Variants in ANO4 observed in about 807,000 individuals in gnomAD.
The protein encoded by ANO4 is anoctamin 4, also known as anoctamin-4.
A neutral mutation model predicts 141.9 loss-of-function variants in ANO4; 69 were observed. The ratio of observed to expected loss-of-function variants is 0.49; its 90% CI spans 0.40 to 0.59. ANO4 has a LOEUF of 0.59. Ranked by LOEUF, ANO4 falls within the 20% of genes least tolerant of loss-of-function variation. ANO4 has a pLI of 0.00. For synonymous variants in ANO4, 350 were observed against 394.3 expected (o/e 0.89, Z 1.33); for missense variants, 894 against 1,162.2 (o/e 0.77, Z 3.36).
intron 14 of ANO4, among the ~76,000 whole-genome samples, chr12:101,061,325 T>C (rs1183689512): frequency 6.6e-6 from 1 of 151,988 alleles, no homozygotes; most frequent in East Asian, 1.9e-4. Context: ...TTTTTTTTTT[T>C]CATTTTAACC....
chr12:100,914,136 A>G (rs2041233368), intron 2 of ANO4, among the ~76,000 whole-genome samples: 1 of 152,206 alleles, frequency 6.6e-6, no homozygotes, highest in South Asian at 2.1e-4. Context: ...TGCAATTCTG[A>G]CTTCCAGGCC....
At chr12:100,857,904 G>A (rs1038784621) in intron 1 of ANO4, among the ~76,000 whole-genome samples, 17 of 152,086 alleles carry the variant, frequency 1.1e-4, no homozygotes, top group African/African-American at 3.9e-4. Flanking sequence ...TTTGAATATT[G>A]ATAATATTCA....
At chr12:101,037,675 T>A (rs900232178) in intron 10 of ANO4, among the ~76,000 whole-genome samples, 2 of 152,216 alleles carry the variant, frequency 1.3e-5, no homozygotes, top group African/African-American at 4.8e-5. Flanking sequence ...TAAATTACTT[T>A]CGCAAGTGTA....
At chr12:101,110,231 A>C (rs1445128127) in intron 22 of ANO4, among the ~76,000 whole-genome samples, 173 bp from the exon 23 acceptor site, 1 of 152,088 alleles carries the variant, frequency 6.6e-6, no homozygotes, top group Non-Finnish European at 1.5e-5. Context: ...TTCCAGGCCC[A>C]GGAAGTGCCT....
chr12:101,001,198 G>A (rs776114235), intron 8 of ANO4, among the ~76,000 whole-genome samples: 3 of 152,000 alleles, frequency 2.0e-5, no homozygotes, highest in Non-Finnish European at 2.9e-5. Context: ...TTTACGTACA[G>A]TAAAATAAGG....
upstream of ANO4, among the ~76,000 whole-genome samples, chr12:100,791,159 G>T (rs2034033180): frequency 6.6e-6 from 1 of 152,116 alleles, no homozygotes; most frequent in African/African-American, 2.4e-5. Context: ...CAGGCGGATT[G>T]CCTGAGCTCA....
chr12:101,096,810 G>A (rs1272786679), intron 19 of ANO4, among the ~76,000 whole-genome samples, 163 bp downstream of exon 19: 1 of 152,078 alleles, frequency 6.6e-6, no homozygotes, highest in Non-Finnish European at 1.5e-5. Flanking sequence ...AAACCACCTG[G>A]CATCCCAGGG....
chr12:100,783,813 G>T (rs1250363612), intron 3 of ANO4, among the ~76,000 whole-genome samples: 4 of 152,152 alleles, frequency 2.6e-5, no homozygotes, highest in African/African-American at 9.7e-5. Context: ...TACCCTGGGT[G>T]TTGCTGCAGA....
At chr12:100,926,355 A>G (rs1015545246) in intron 3 of ANO4, among the ~76,000 whole-genome samples, 1 of 152,088 alleles carries the variant, frequency 6.6e-6, no homozygotes, top group Non-Finnish European at 1.5e-5. Context: ...CAGATCCTCC[A>G]TATTAGATGT....
intron 14 of ANO4, among the ~76,000 whole-genome samples, chr12:101,070,566 A>G (rs2048770377): frequency 6.6e-6 from 1 of 152,062 alleles, no homozygotes; most frequent in East Asian, 1.9e-4. Context: ...GAAACTACTA[A>G]AAAAAAGCAT....
chr12:100,902,442 A>T (rs1415850774), intron 2 of ANO4, among the ~76,000 whole-genome samples: 1 of 152,248 alleles, frequency 6.6e-6, no homozygotes, highest in African/African-American at 2.4e-5. Context: ...ACAAATATGT[A>T]TTGAGTGCCA....
intron 7 of ANO4, among the ~76,000 whole-genome samples, chr12:100,983,866 C>T (rs953577674): frequency 1.3e-5 from 2 of 152,228 alleles, no homozygotes; most frequent in East Asian, 3.8e-4. Context: ...AACATATTCA[C>T]AGGTTCTGGT....
intron 5 of ANO4, among the ~76,000 whole-genome samples, chr12:100,944,637 C>T (rs945173382): frequency 3.9e-5 from 6 of 152,180 alleles, no homozygotes; most frequent in South Asian, 2.1e-4. Context: ...CTGCCTGGCT[C>T]GAGTCTTGCC....
intron 11 of ANO4, among the ~76,000 whole-genome samples, chr12:101,042,061 C>T (rs149776462): frequency 3.9e-5 from 6 of 152,248 alleles, no homozygotes; most frequent in East Asian, 1.9e-4. Context: ...TTGCCCACTC[C>T]GGCCCCTTCC....
At chr12:100,826,920 G>A (rs1433104827) in intron 1 of ANO4, among the ~76,000 whole-genome samples, 1 of 151,880 alleles carries the variant, frequency 6.6e-6, no homozygotes, top group Non-Finnish European at 1.5e-5. Context: ...AATCCGACCA[G>A]TTTTCACCAC....
intron 14 of ANO4, among the ~76,000 whole-genome samples, chr12:101,065,217 G>A (rs1271531245): frequency 6.6e-6 from 1 of 152,124 alleles, no homozygotes; most frequent in Non-Finnish European, 1.5e-5. Flanking sequence ...TTCTATGCAT[G>A]AAATTGTGAA....
intron 3 of ANO4, 92 bp from the exon 4 acceptor site, chr12:100,939,223 T>C: frequency 7.7e-7 from 1 of 1,297,938 alleles, no homozygotes; most frequent in Non-Finnish European, 1.1e-6. Context: ...GATGAGAAAA[T>C]ATGAACCCAA....
At chr12:100,934,818 G>A (rs1243221127) in intron 3 of ANO4, among the ~76,000 whole-genome samples, 1 of 152,160 alleles carries the variant, frequency 6.6e-6, no homozygotes, top group Admixed American at 6.5e-5. Context: ...TCCCTTGTAA[G>A]TTGTATTCCT....
chr12:100,953,977 A>G (rs2043078468), intron 5 of ANO4, among the ~76,000 whole-genome samples: 1 of 152,148 alleles, frequency 6.6e-6, no homozygotes. Flanking sequence ...AGTCAAGTGC[A>G]CGAGCAGTGT....
Sources: gnomAD v4.1 joint callset for allele counts (sites outside exome capture counted in the v4.1 genomes callset) on GRCh38, gnomAD v4.1.1 for gene constraint, MANE v1.5 for transcripts, NCBI Gene and HGNC (gene_info 2026-07-23, HGNC 2026-07-21) for gene names.